PIGS: variants seen among roughly 807,000 people sequenced by gnomAD.
The protein encoded by PIGS is phosphatidylinositol glycan anchor biosynthesis class S.
Under a neutral mutation model 58.2 loss-of-function variants are expected in PIGS, and 37 were observed. The ratio of observed to expected loss-of-function variants is 0.64; its 90% CI spans 0.49 to 0.84. The LOEUF (loss-of-function observed/expected upper bound fraction) is 0.84. Ranked by LOEUF, PIGS falls within the 40% of genes least tolerant of loss-of-function variation. PIGS has a pLI of 0.00. For synonymous variants in PIGS, 269 were observed against 289.2 expected (o/e 0.93, Z 0.71); for missense variants, 629 against 710.8 (o/e 0.88, Z 1.31).
intron 7 of PIGS, among the ~76,000 whole-genome samples, chr17:28,559,459 C>A (rs998578809): frequency 6.6e-6 from 1 of 150,820 alleles, no homozygotes; most frequent in South Asian, 2.1e-4. Context: ...GTGGTGAAAC[C>A]CCATCTCTAC....
rs747255586 is a variant in PIGS, at chr17:28,571,463, C to T, written c.34G>A (p.Glu12Lys). Residue 12 changes from glutamate to lysine, a missense_variant and splice_region_variant, in exon 1 of 12, where the codon GAG becomes AAG. By Grantham distance (56) the Glu-to-Lys change is moderately conservative (BLOSUM62 1). Transcript: ENST00000308360. ...GCCCCCCACCCGAAGCCCACCGCACCTAGGTGTGTAGCCGCAGCCCCGGCG... is the reference window on the plus strand; with the variant it reads ...GCCCCCCACCCGAAGCCCACCGCACTTAGGTGTGTAGCCGCAGCCCCGGCG... ...AAAGAAATHL[E>K]VARGKRAALF... 1 of 1,610,448 alleles carries T rather than the reference C, an allele frequency of 6.2e-7. No homozygotes were observed. Among genetic ancestry groups the T allele is most frequent in the South Asian group, 1.1e-5 (1 of 90,564 alleles).
At position 28,556,782 on chromosome 17, in the gene PIGS, G is replaced by A. The variant is rs751363983; in HGVS notation, c.1080+45C>T. On this transcript the variant is annotated intron_variant, in intron 9 of 11. Coordinates refer to ENST00000308360, the MANE Select transcript of PIGS (RefSeq NM_033198.4). Reference sequence around the variant, plus strand: ...AACACAGTTTCAGGGACACCTGCCTGTCCCAGAAGCATGGGCTCTGGGGTC... The same window carrying A: ...AACACAGTTTCAGGGACACCTGCCTATCCCAGAAGCATGGGCTCTGGGGTC... 10 of 1,583,970 alleles carry A rather than the reference G, an allele frequency of 6.3e-6. No individual in the cohort carries two copies. In the Admixed American group the frequency reaches 1.7e-4, roughly 27 times the overall value.
rs750877890 is a variant in PIGS, at chr17:28,557,059, C to T, written c.935-87G>A. ...CGGCCTCTAACTTGCTGGTCACTCA[C>T]TCTGGGACTGATTCCCCAACTAACA... On this transcript the variant is annotated intron_variant, in intron 8 of 11. Transcript: ENST00000308360. The T allele has an allele frequency of 5.7e-6, 8 of 1,414,752 alleles. No homozygotes were observed. The African/African-American group carries it at 8.6e-5, about 15-fold the overall frequency. 87.6% of individuals were successfully genotyped at this position (1,414,752 alleles called of 1,614,324 possible).
chr17:28,564,008 G>T (rs916328506), intron 3 of PIGS, 101 bp from the exon 4 acceptor site: 30 of 993,422 alleles, frequency 3.0e-5, no homozygotes, highest in African/African-American at 1.3e-4. Flanking sequence ...CAGCAAGATG[G>T]CTGTTTACAG....
rs1364892603 is a variant in PIGS at position 28,553,469 on chromosome 17, C to T, written c.*751G>A. 2 of 152,698 alleles carry T rather than the reference C, an allele frequency of 1.3e-5. No homozygotes were observed. Among genetic ancestry groups the T allele is most frequent in the African/African-American group, 4.8e-5 (2 of 41,408 alleles). The allele number at this position is 152,698 out of a possible 1,614,324, so 9.5% of individuals were successfully genotyped here. On this transcript the variant is annotated 3_prime_UTR_variant, in exon 12 of 12. Transcript: ENST00000308360. ...CTTTACATGCTGATCACATTTACTC[C>T]TCACAACCATCTTGTAAGGGAGACA... is the stretch of plus-strand genomic sequence containing the variant.
At position 28,560,201 on chromosome 17, in the gene PIGS, CA is replaced by C; in HGVS notation, c.677-11del. 6.2e-7 allele frequency: 1 copy of C among 1,609,100 alleles called. No homozygotes were observed. Among genetic ancestry groups the C allele is most frequent in the South Asian group, 1.1e-5 (1 of 90,236 alleles). ...AAGGTGATCTCATAGCCTACAGAAA[CA>C]GGAGTCAGGGAAGTCAGAGGCTCTT... On this transcript the variant is annotated splice_polypyrimidine_tract_variant and intron_variant, in intron 6 of 11. Transcript: ENST00000308360.
At chr17:28,561,084 C>T (rs1379458616) in intron 6 of PIGS, among the ~76,000 whole-genome samples, 14 of 151,994 alleles carry the variant, frequency 9.2e-5, no homozygotes, top group South Asian at 2.1e-4. Context: ...AGTGAAACCC[C>T]GTCTCTACTA....
At chr17:28,562,704 G>A (rs1446790332) in intron 5 of PIGS, among the ~76,000 whole-genome samples, 2 of 151,792 alleles carry the variant, frequency 1.3e-5, no homozygotes, top group African/African-American at 4.8e-5. Flanking sequence ...AAAGTGCTGG[G>A]ATTACAGGCA....
At chr17:28,560,354 G>C in intron 6 of PIGS, 163 bp from the exon 7 acceptor site, 2 of 821,420 alleles carry the variant, frequency 2.4e-6, no homozygotes, top group Non-Finnish European at 3.7e-6. Context: ...CACTGAGTAA[G>C]AAAAAGCTGC....
chr17:28,553,835 G>A lies in PIGS; in HGVS notation c.*385C>T. 3.9e-6 allele frequency: 1 copy of A among 255,666 alleles called. No homozygotes were observed. The highest frequency in any genetic ancestry group is 4.7e-5 in the South Asian group (1 of 21,114). The allele number at this position is 255,666 out of a possible 1,614,324, so 15.8% of individuals were successfully genotyped here. On this transcript the variant is annotated 3_prime_UTR_variant, in exon 12 of 12. Transcript: ENST00000308360. ...GGCTAGGGCTGTCCCACAGGGACTAGAGAGAGGTGTGGAAGGCAGGGACTT... is the reference window on the plus strand; with the variant it reads ...GGCTAGGGCTGTCCCACAGGGACTAAAGAGAGGTGTGGAAGGCAGGGACTT...
chr17:28,563,653 AACCTCTCTGGCCCT>A (rs2151513565), intron 4 of PIGS, 131 bp from the exon 5 acceptor site: 2 of 1,191,796 alleles, frequency 1.7e-6, no homozygotes, highest in South Asian at 2.6e-5. Flanking sequence ...TAAGCCAATC[AACCTCTCTGGCCCT>A]CAGTGGACTG....
intron 3 of PIGS, among the ~76,000 whole-genome samples, chr17:28,568,733 T>C (rs1044545897): frequency 6.6e-6 from 1 of 152,098 alleles, no homozygotes; most frequent in Non-Finnish European, 1.5e-5. Context: ...TATGAAGAAA[T>C]CCATGATAAA....
chr17:28,558,599 CA>C lies in PIGS; in HGVS notation c.820-10del. 6.3e-7 allele frequency: 1 copy of C among 1,589,540 alleles called. No individual in the cohort carries two copies. Among genetic ancestry groups the C allele is most frequent in the South Asian group, 1.1e-5 (1 of 88,460 alleles). On this transcript the variant is annotated splice_polypyrimidine_tract_variant and intron_variant, in intron 7 of 11. Transcript: ENST00000308360. ...ATTGCATAGTAAAGAATCTGTAGAGCAAACAGGGAGTGGTTACTTTGTTTAG... is the reference window on the plus strand; with the variant it reads ...ATTGCATAGTAAAGAATCTGTAGAGCAACAGGGAGTGGTTACTTTGTTTAG...
chr17:28,557,055 C>G (rs2070335024), intron 8 of PIGS, 83 bp from the exon 9 acceptor site: 1 of 1,488,606 alleles, frequency 6.7e-7, no homozygotes, highest in Non-Finnish European at 9.3e-7. Context: ...TTGCTGGTCA[C>G]TCACTCTGGG....
intron 1 of PIGS, 91 bp downstream of exon 1, chr17:28,571,372 G>A (rs2070428568): frequency 1.5e-5 from 24 of 1,555,616 alleles, no homozygotes; most frequent in Non-Finnish European, 2.1e-5. Flanking sequence ...CCCCCCGTCC[G>A]CGGGACCTCT....
chr17:28,570,191 A>G (rs550760588), intron 3 of PIGS, among the ~76,000 whole-genome samples: 20 of 152,364 alleles, frequency 1.3e-4, no homozygotes, highest in African/African-American at 4.6e-4. Flanking sequence ...CCTAAAAAAA[A>G]GTACCCCAGT....
At chr17:28,559,075 G>A (rs552340593) in intron 7 of PIGS, among the ~76,000 whole-genome samples, 78 of 152,052 alleles carry the variant, frequency 5.1e-4, no homozygotes, top group Non-Finnish European at 9.0e-4. Context: ...CACCTCCCGG[G>A]TTCAAGCAAT....
chr17:28,554,741 G>A (rs2070314978), intron 11 of PIGS, 110 bp downstream of exon 11: 1 of 1,429,486 alleles, frequency 7.0e-7, no homozygotes, highest in Admixed American at 1.7e-5. Flanking sequence ...CACTAAAGAT[G>A]GCAAGCCCAC....
intron 10 of PIGS, chr17:28,555,381 C>T (rs2070320327): frequency 3.1e-6 from 1 of 317,712 alleles, no homozygotes; most frequent in Non-Finnish European, 5.8e-6. Flanking sequence ...ACCTTTTCTA[C>T]CCTCTCTTTG....
Sources: allele counts gnomAD v4.1 joint callset (sites outside exome capture counted in the v4.1 genomes callset), GRCh38; gene constraint gnomAD v4.1.1; transcripts MANE v1.5; gene names NCBI Gene and HGNC (gene_info 2026-07-23, HGNC 2026-07-21).